The following PRMT8 variants were observed in gnomAD, a reference collection of about 807,000 sequenced individuals.
PRMT8 encodes the protein protein arginine methyltransferase 8.
PRMT8 carries 7 observed loss-of-function variants against 47.1 expected under a neutral mutation model. The ratio of observed to expected loss-of-function variants is 0.15; its 90% CI spans 0.08 to 0.28. PRMT8 has a LOEUF of 0.28. Ranked by LOEUF, PRMT8 falls within the 10% of genes least tolerant of loss-of-function variation. The pLI is 1.00. For missense variants in PRMT8, 237 were observed against 505.4 expected (o/e 0.47, Z 5.09); for synonymous variants, 188 against 186.5 (o/e 1.01, Z -0.07).
intron 1 of PRMT8, among the ~76,000 whole-genome samples, chr12:3,496,358 T>A (rs909882936): frequency 2.6e-5 from 4 of 150,950 alleles, no homozygotes; most frequent in Middle Eastern, 3.2e-3. Context: ...CTGAGCTGAC[T>A]TCTTGCATGG....
chr12:3,511,828 G>T (rs565245013), intron 1 of PRMT8, among the ~76,000 whole-genome samples: 2 of 152,330 alleles, frequency 1.3e-5, no homozygotes, highest in East Asian at 1.9e-4. Context: ...AAAAAGCAAA[G>T]ATTTGAGTTT....
intron 1 of PRMT8, among the ~76,000 whole-genome samples, chr12:3,531,278 G>GA (rs1344848433): frequency 1.3e-5 from 2 of 152,200 alleles, no homozygotes; most frequent in African/African-American, 4.8e-5. Context: ...AGGAGGGGAG[G>GA]AGGCTCCCTT....
chr12:3,497,012 C>T (rs1386421916), intron 1 of PRMT8, among the ~76,000 whole-genome samples: 1 of 151,706 alleles, frequency 6.6e-6, no homozygotes, highest in Non-Finnish European at 1.5e-5. Context: ...CTCCTGTCTC[C>T]AATTCAGGAG....
chr12:3,531,935 G>A (rs561197176), intron 1 of PRMT8, among the ~76,000 whole-genome samples: 6 of 152,306 alleles, frequency 3.9e-5, no homozygotes, highest in Admixed American at 6.5e-5. Context: ...GGGCTTCAGC[G>A]AGGAAGAGAG....
chr12:3,553,305 C>A (rs1056752832), intron 3 of PRMT8: 2 of 340,626 alleles, frequency 5.9e-6, no homozygotes, highest in South Asian at 8.4e-5. Flanking sequence ...TGCCTTCCCG[C>A]GTCCCCCACG....
Position 3,564,901 on chromosome 12 carries a change from G to C in PRMT8, c.482-3805G>C, listed in dbSNP as rs941101460. 3.3e-5 allele frequency among the ~76,000 whole-genome samples: 5 copies of C among 152,210 alleles called. No individual in the cohort carries two copies. The highest frequency in any genetic ancestry group is 7.3e-5 in the Non-Finnish European group (5 of 68,042). On this transcript the variant is annotated intron_variant, in intron 4 of 9. Transcript: ENST00000382622. This position sits in a 1 kb window ranked among gnomAD's most constrained non-coding sequence, Gnocchi z 4.0. ...GTTGGCCAATAGCCCCTAGTAAGTTGGCATATGCCCCACCATGACAGGTAG... is the reference window on the plus strand; with the variant it reads ...GTTGGCCAATAGCCCCTAGTAAGTTCGCATATGCCCCACCATGACAGGTAG...
chr12:3,392,781 C>A (rs537360031), intron 1 of PRMT8, among the ~76,000 whole-genome samples: 3 of 151,738 alleles, frequency 2.0e-5, no homozygotes, highest in African/African-American at 7.3e-5. Context: ...CCTGAGGAAT[C>A]GCCACACTGA....
chr12:3,565,377 C>T (rs1423602795), intron 4 of PRMT8, among the ~76,000 whole-genome samples: 2 of 151,984 alleles, frequency 1.3e-5, no homozygotes, highest in African/African-American at 4.8e-5. Context: ...TAAAGTTGTG[C>T]AGGTTGAGCA....
In PRMT8 at chr12:3,550,230, C is replaced by A; in HGVS notation, c.417+139C>A. On this transcript the variant is annotated intron_variant, in intron 3 of 9. Coordinates refer to ENST00000382622, the MANE Select transcript of PRMT8 (RefSeq NM_019854.5). The surrounding 1 kb of genome is among the most constrained non-coding windows in gnomAD (Gnocchi z 5.1). ...CACACCTTCGAGGAGTAGAAGAAAT[C>A]AGGTGTGACTCTCAGGAAGGGGAGC... 9.6e-7 allele frequency: 1 copy of A among 1,038,444 alleles called. No individual in the cohort carries two copies. Among genetic ancestry groups the A allele is most frequent in the Non-Finnish European group, 1.4e-6 (1 of 715,298 alleles). The allele number at this position is 1,038,444 out of a possible 1,614,324, so 64.3% of individuals were successfully genotyped here.
Position 3,568,737 on chromosome 12 carries a change from G to A in PRMT8, c.513G>A (p.Glu171=). ...IITIFKGKVE[E]VELPVEKVDI... is the part of the protein sequence containing the mutation. ...CCATATTTAAGGGTAAAGTGGAAGA[G>A]GTGGAGCTGCCTGTGGAGAAGGTGG... Residue 171 remains glutamate (E), a synonymous_variant, in exon 5 of 10, where the codon GAG becomes GAA. Transcript: ENST00000382622. The A allele has an allele frequency of 6.2e-7, 1 of 1,614,168 alleles. No homozygotes were observed. Among genetic ancestry groups the A allele is most frequent in the Non-Finnish European group, 8.5e-7 (1 of 1,180,026 alleles).
At position 3,566,680 on chromosome 12, in the gene PRMT8, G is replaced by T. The variant is rs1303342219; in HGVS notation, c.482-2026G>T. Among the ~76,000 whole-genome samples, 1 of 152,192 alleles carries T rather than the reference G, an allele frequency of 6.6e-6. No homozygotes were observed. The highest frequency in any genetic ancestry group is 6.5e-5 in the Admixed American group (1 of 15,286). The stretch of plus-strand genomic sequence containing the variant: ...ACGGTGTGCTCTTTGCCATCCAGGA[G>T]CCTCAGTCCAAATTAATTTTCATGA... On this transcript the variant is annotated intron_variant, in intron 4 of 9. Transcript: ENST00000382622. The surrounding 1 kb of genome is among the most constrained non-coding windows in gnomAD (Gnocchi z 4.7).
intron 1 of PRMT8, chr12:3,462,649 T>A (rs1490444345): frequency 6.6e-6 from 1 of 152,012 alleles, no homozygotes; most frequent in Non-Finnish European, 1.5e-5. Flanking sequence ...ACTTTTTGCA[T>A]CAGGAACTCC....
rs966492148 is a variant in PRMT8, at chr12:3,453,567, T to C, written c.48+72125T>C. ...GCCAGACGCTGCATTCCGCATGCCA[T>C]CGTGACCTTGAAGTAGGGCTGAGAA... On this transcript the variant is annotated intron_variant, in intron 1 of 9. Transcript: ENST00000452611. This position sits in a 1 kb window ranked among gnomAD's most constrained non-coding sequence, Gnocchi z 4.9. 2.6e-5 allele frequency among the ~76,000 whole-genome samples: 4 copies of C among 152,282 alleles called. No homozygotes were observed. Among genetic ancestry groups the C allele is most frequent in the Admixed American group, 2.6e-4 (4 of 15,292 alleles).
chr12:3,412,385 C>T (rs1221599046), intron 1 of PRMT8, among the ~76,000 whole-genome samples: 8 of 152,204 alleles, frequency 5.3e-5, no homozygotes, highest in Admixed American at 4.6e-4. Flanking sequence ...CTACTGTGAA[C>T]TTTACAAACA....
chr12:3,481,904 G>A (rs539039288), intron 1 of PRMT8, among the ~76,000 whole-genome samples: 3 of 152,154 alleles, frequency 2.0e-5, no homozygotes, highest in Admixed American at 6.5e-5. Flanking sequence ...TCTTCCCTTC[G>A]AATGCAACCA....
At chr12:3,412,636 T>G (rs966547509) in intron 1 of PRMT8, among the ~76,000 whole-genome samples, 6 of 152,328 alleles carry the variant, frequency 3.9e-5, no homozygotes, top group African/African-American at 1.4e-4. Flanking sequence ...TTTTACTTCT[T>G]AAACCTTTTT....
chr12:3,564,087 G>A lies in PRMT8; in HGVS notation c.482-4619G>A, dbSNP rs781313343. ...GGAATGCATACGCTGGAGGTGAGCC[G>A]GGCCCTCCGCAGGTGCAAGGCAGCC... On this transcript the variant is annotated intron_variant, in intron 4 of 9. Coordinates refer to ENST00000382622, the MANE Select transcript of PRMT8 (RefSeq NM_019854.5). This position sits in a 1 kb window ranked among gnomAD's most constrained non-coding sequence, Gnocchi z 4.0. Among the ~76,000 whole-genome samples, 2 of 152,124 alleles carry A rather than the reference G, an allele frequency of 1.3e-5. No individual in the cohort carries two copies. Among genetic ancestry groups the A allele is most frequent in the Non-Finnish European group, 2.9e-5 (2 of 68,034 alleles).
At chr12:3,445,565 C>A in intron 1 of PRMT8, among the ~76,000 whole-genome samples, 2 of 152,108 alleles carry the variant, frequency 1.3e-5, no homozygotes, top group South Asian at 4.2e-4. Flanking sequence ...CTTCAGGTAG[C>A]CTGTGTAGAC....
intron 1 of PRMT8, among the ~76,000 whole-genome samples, chr12:3,481,862 C>A (rs1181057449): frequency 6.6e-6 from 1 of 152,140 alleles, no homozygotes; most frequent in African/African-American, 2.4e-5. Context: ...TGCTGATGGA[C>A]CAAAGTGGCC....
Sources: allele counts gnomAD v4.1 joint callset (sites outside exome capture counted in the v4.1 genomes callset), GRCh38; gene constraint gnomAD v4.1.1; non-coding constraint Gnocchi (gnomAD v3.1); transcripts MANE v1.5; gene names NCBI Gene and HGNC (gene_info 2026-07-23, HGNC 2026-07-21).